The following PTPRD variants were observed in gnomAD, a reference collection of about 807,000 sequenced individuals.
PTPRD encodes receptor-type tyrosine-protein phosphatase delta.
A neutral mutation model predicts 214.5 loss-of-function variants in PTPRD; 34 were observed. The ratio of observed to expected loss-of-function variants is 0.16; its 90% CI spans 0.12 to 0.21. PTPRD has a LOEUF of 0.21. PTPRD is among the 10% of genes least tolerant of loss of function. The pLI, the probability that PTPRD is intolerant of heterozygous loss-of-function variation, is 1.00. For synonymous variants in PTPRD, 1,128 were observed against 845.7 expected, an observed-to-expected ratio of 1.33 and a Z score of -5.79; for missense variants, 2,545 against 2,398.7, an observed-to-expected ratio of 1.06 and a Z score of -1.27.
At chr9:10,025,864 C>T (rs945545769) in intron 4 of PTPRD, among the ~76,000 whole-genome samples, 1 of 152,222 alleles carries the variant, frequency 6.6e-6, no homozygotes, top group South Asian at 2.1e-4. Flanking sequence ...CTACAGTTCA[C>T]GGAACATTTC....
rs74588101 is a variant in PTPRD, at chr9:9,440,769, G to C, written c.-236-43287C>G. Among the ~76,000 whole-genome samples, 102 of 152,264 alleles carry C rather than the reference G, an allele frequency of 6.7e-4. No individual in the cohort carries two copies. The East Asian group carries it at 0.018, about 27-fold the overall frequency. On this transcript the variant is annotated intron_variant, in intron 8 of 45. Transcript: ENST00000381196. ...TTCTTGTGTTAAACAGAGATAAAAT[G>C]ATGATCACAAAATTGTTTCAATCGC...
At position 9,455,073 on chromosome 9, in the gene PTPRD, T is replaced by G. The variant is rs546574697; in HGVS notation, c.-236-57591A>C. Among the ~76,000 whole-genome samples, 55 of 151,766 alleles carry G rather than the reference T, an allele frequency of 3.6e-4. No individual in the cohort carries two copies. The South Asian group carries it at 6.2e-3, about 17-fold the overall frequency. On this transcript the variant is annotated intron_variant, in intron 8 of 45. Coordinates refer to ENST00000381196, the MANE Select transcript of PTPRD (RefSeq NM_002839.4). ...CTGATAAGAATTTTAATGGACAATG[T>G]TGAAATATAAAAGAAGTAAACATTA...
chr9:9,420,019 T>G (rs1462793632), intron 8 of PTPRD, among the ~76,000 whole-genome samples: 4 of 151,346 alleles, frequency 2.6e-5, no homozygotes, highest in African/African-American at 9.7e-5. Flanking sequence ...TACTCCCAGG[T>G]TACAGAAAAA....
intron 9 of PTPRD, among the ~76,000 whole-genome samples, chr9:9,391,521 A>G (rs1020241108): frequency 1.3e-5 from 2 of 152,196 alleles, no homozygotes; most frequent in African/African-American, 4.8e-5. Context: ...ATTTGCATAT[A>G]CAATGATTTT....
At chr9:9,459,587 C>T (rs2093437045) in intron 8 of PTPRD, among the ~76,000 whole-genome samples, 1 of 151,980 alleles carries the variant, frequency 6.6e-6, no homozygotes, top group Non-Finnish European at 1.5e-5. Flanking sequence ...AAACCAATAA[C>T]TCAATCGCAT....
At chr9:9,805,430 T>C (rs752378849) in intron 5 of PTPRD, among the ~76,000 whole-genome samples, 3 of 152,150 alleles carry the variant, frequency 2.0e-5, no homozygotes, top group African/African-American at 4.8e-5. Context: ...GCAAGGTGAT[T>C]TGACTTCACA....
chr9:8,826,563 G>A (rs940708209), intron 11 of PTPRD, among the ~76,000 whole-genome samples: 20 of 151,088 alleles, frequency 1.3e-4, no homozygotes, highest in Non-Finnish European at 2.4e-4. Flanking sequence ...ATATCCAACT[G>A]ATTCCTTCTC....
chr9:8,606,684 C>T (rs1316464721), intron 14 of PTPRD, among the ~76,000 whole-genome samples: 1 of 152,154 alleles, frequency 6.6e-6, no homozygotes, highest in African/African-American at 2.4e-5. Context: ...CCCTTCTGCA[C>T]ATGAAAACAA....
At chr9:10,317,866 T>G (rs1408024129) in intron 3 of PTPRD, among the ~76,000 whole-genome samples, 1 of 152,032 alleles carries the variant, frequency 6.6e-6, no homozygotes, top group Non-Finnish European at 1.5e-5. Flanking sequence ...ATATGTATAA[T>G]GATGATTTTT....
chr9:9,504,771 A>T (rs550669173), intron 8 of PTPRD, among the ~76,000 whole-genome samples: 114 of 151,724 alleles, frequency 7.5e-4, no homozygotes, highest in Non-Finnish European at 1.4e-3. Flanking sequence ...TGTAACAAAA[A>T]CCTATTAAAA....
At chr9:9,744,522 G>A (rs576456206) in intron 6 of PTPRD, among the ~76,000 whole-genome samples, 3 of 151,992 alleles carry the variant, frequency 2.0e-5, no homozygotes, top group East Asian at 3.9e-4. Flanking sequence ...ATTTGCATAA[G>A]GTTTCTATTT....
intron 3 of PTPRD, among the ~76,000 whole-genome samples, chr9:10,158,259 G>T (rs767813271): frequency 1.3e-5 from 2 of 152,068 alleles, no homozygotes; most frequent in Non-Finnish European, 2.9e-5. Flanking sequence ...TGCCCACTTC[G>T]GCCCCCTGAA....
chr9:8,780,629 A>AGT (rs900876605), intron 11 of PTPRD, among the ~76,000 whole-genome samples: 15 of 152,206 alleles, frequency 9.9e-5, no homozygotes, highest in African/African-American at 3.4e-4. Flanking sequence ...CCAGGCTCTC[A>AGT]GTGTGTGTCA....
chr9:9,873,134 T>C (rs1282291777), intron 5 of PTPRD, among the ~76,000 whole-genome samples: 1 of 152,112 alleles, frequency 6.6e-6, no homozygotes, highest in African/African-American at 2.4e-5. Context: ...CCTACCATAG[T>C]GAAGGAAGAT....
intron 8 of PTPRD, among the ~76,000 whole-genome samples, chr9:9,537,966 T>C (rs1157724069): frequency 1.3e-5 from 2 of 151,896 alleles, no homozygotes; most frequent in East Asian, 1.9e-4. Flanking sequence ...ATTCGTTCTG[T>C]GTTACTATGC....
At chr9:9,899,459 C>T (rs1009536229) in intron 5 of PTPRD, among the ~76,000 whole-genome samples, 2 of 151,924 alleles carry the variant, frequency 1.3e-5, no homozygotes, top group Admixed American at 1.3e-4. Flanking sequence ...AGTTCAATAA[C>T]ACAATTCATC....
At chr9:10,553,855 G>A (rs2061887015) in intron 2 of PTPRD, among the ~76,000 whole-genome samples, 1 of 152,164 alleles carries the variant, frequency 6.6e-6, no homozygotes. Context: ...CACTTGTACA[G>A]CTATATCTGT....
intron 7 of PTPRD, among the ~76,000 whole-genome samples, chr9:9,602,931 G>C (rs752500339): frequency 6.6e-6 from 1 of 151,806 alleles, no homozygotes; most frequent in Non-Finnish European, 1.5e-5. Flanking sequence ...TATGATCCTG[G>C]ATAAAATTAT....
At chr9:9,227,806 C>T (rs537125743) in intron 9 of PTPRD, among the ~76,000 whole-genome samples, 2 of 152,220 alleles carry the variant, frequency 1.3e-5, no homozygotes, top group African/African-American at 4.8e-5. Flanking sequence ...GAAATGGATC[C>T]TCCAGCCCTT....
Sources: gnomAD v4.1 joint callset for allele counts (sites outside exome capture counted in the v4.1 genomes callset) on GRCh38, gnomAD v4.1.1 for gene constraint, MANE v1.5 for transcripts, NCBI Gene and HGNC (gene_info 2026-07-23, HGNC 2026-07-21) for gene names.